The following SRRM4 variants were observed in gnomAD, a reference collection of about 807,000 sequenced individuals.
SRRM4 encodes serine/arginine repetitive matrix protein 4.
A neutral mutation model predicts 68.9 loss-of-function variants in SRRM4; 33 were observed. The observed-to-expected ratio is 0.48, with a 90% CI of 0.36 to 0.64. SRRM4 has a LOEUF of 0.64. Ranked by LOEUF, SRRM4 falls within the 30% of genes least tolerant of loss-of-function variation. The pLI is 0.00. For synonymous variants in SRRM4, 318 were observed against 318.8 expected (o/e 1.00, Z 0.03); for missense variants, 817 against 827.1 (o/e 0.99, Z 0.15).
intron 1 of SRRM4, among the ~76,000 whole-genome samples, chr12:119,095,268 C>T (rs1253629783): frequency 6.6e-6 from 1 of 152,190 alleles, no homozygotes; most frequent in Non-Finnish European, 1.5e-5. Flanking sequence ...AGGTCAGCCC[C>T]ATGATAACTC....
intron 2 of SRRM4, among the ~76,000 whole-genome samples, chr12:119,111,124 A>G (rs1263551524): frequency 6.6e-6 from 1 of 152,152 alleles, no homozygotes; most frequent in Non-Finnish European, 1.5e-5. Flanking sequence ...TGCATACTCA[A>G]CTGATACTTA....
chr12:119,139,917 T>C (rs1954354109), intron 8 of SRRM4, among the ~76,000 whole-genome samples: 1 of 152,200 alleles, frequency 6.6e-6, no homozygotes, highest in South Asian at 2.1e-4. Context: ...ACATAATAGT[T>C]GTATATATTT....
At chr12:119,087,365 G>A (rs756807777) in intron 1 of SRRM4, among the ~76,000 whole-genome samples, 7 of 152,224 alleles carry the variant, frequency 4.6e-5, no homozygotes, top group South Asian at 2.1e-4. Context: ...AAAGAAGCCA[G>A]GAGAAGGAAC....
At chr12:119,033,354 CA>C (rs1228493115) in intron 1 of SRRM4, among the ~76,000 whole-genome samples, 2 of 152,188 alleles carry the variant, frequency 1.3e-5, no homozygotes, top group Admixed American at 6.5e-5. Flanking sequence ...CTACACACCT[CA>C]GAGTACATCT....
At position 118,981,721 on chromosome 12, in the gene SRRM4, C is replaced by T; in HGVS notation, c.-162C>T. On this transcript the variant is annotated 5_prime_UTR_variant, in exon 1 of 13. Transcript: ENST00000267260. ...CTCCTTTCTCTGCTGCCTGCCCGGG[C>T]TGGGGCGTCCCATCCCCCGCCCTGA... is the stretch of plus-strand genomic sequence containing the variant. 1 of 741,374 alleles carries T rather than the reference C, an allele frequency of 1.3e-6. No individual in the cohort carries two copies. Among genetic ancestry groups the T allele is most frequent in the Non-Finnish European group, 2.1e-6 (1 of 467,340 alleles). 45.9% of individuals were successfully genotyped at this position (741,374 alleles called of 1,614,324 possible). A position where few individuals can be genotyped will look rare whatever the true frequency, so the allele number is the denominator to read the frequency against.
At chr12:118,987,264 A>G (rs866803276) in intron 1 of SRRM4, among the ~76,000 whole-genome samples, 18 of 152,304 alleles carry the variant, frequency 1.2e-4, no homozygotes, top group African/African-American at 4.3e-4. Flanking sequence ...TGTGCCTGGT[A>G]CAAACCCAGA....
At chr12:119,060,440 T>C (rs745875854) in intron 1 of SRRM4, among the ~76,000 whole-genome samples, 1 of 149,900 alleles carries the variant, frequency 6.7e-6, no homozygotes, top group Non-Finnish European at 1.5e-5. Flanking sequence ...CATGGATAAC[T>C]ACCTGTGTGT....
intron 10 of SRRM4, among the ~76,000 whole-genome samples, chr12:119,153,004 G>A (rs1053189310): frequency 3.0e-4 from 45 of 152,276 alleles, no homozygotes; most frequent in African/African-American, 1.1e-3. Context: ...TCATCTCTCT[G>A]TGCCTCTGTT....
At chr12:118,987,370 G>A (rs1007006859) in intron 1 of SRRM4, among the ~76,000 whole-genome samples, 3 of 152,130 alleles carry the variant, frequency 2.0e-5, no homozygotes, top group Admixed American at 6.6e-5. Context: ...CCTGGGCTGC[G>A]CTTGTTCAGT....
intron 8 of SRRM4, among the ~76,000 whole-genome samples, chr12:119,143,326 T>G (rs7134341): frequency 0.084 from 12,755 of 152,250 alleles, 1,288 homozygotes; most frequent in African/African-American, 0.24. Flanking sequence ...AGATAAAGTT[T>G]GGGGAAAGAG....
chr12:119,096,196 T>C (rs1352576123), intron 1 of SRRM4, among the ~76,000 whole-genome samples: 2 of 150,050 alleles, frequency 1.3e-5, no homozygotes, highest in East Asian at 4.1e-4. Context: ...AATTTTTTTT[T>C]TTTTTTTTTG....
At chr12:119,071,001 G>A (rs527319106) in intron 1 of SRRM4, among the ~76,000 whole-genome samples, 2 of 152,290 alleles carry the variant, frequency 1.3e-5, no homozygotes, top group East Asian at 1.9e-4. Flanking sequence ...GGATGCTTGG[G>A]TATGACCTCT....
At chr12:119,093,302 A>G (rs1451936414) in intron 1 of SRRM4, among the ~76,000 whole-genome samples, 1 of 152,164 alleles carries the variant, frequency 6.6e-6, no homozygotes, top group Non-Finnish European at 1.5e-5. Flanking sequence ...ATGCTCAATA[A>G]ATATTTGTTG....
chr12:119,118,080 C>T (rs889061361), intron 4 of SRRM4, among the ~76,000 whole-genome samples: 1 of 152,112 alleles, frequency 6.6e-6, no homozygotes, highest in Non-Finnish European at 1.5e-5. Flanking sequence ...CCTATTTTCC[C>T]ACGAGCAACC....
At chr12:119,062,521 A>G (rs935657199) in intron 1 of SRRM4, among the ~76,000 whole-genome samples, 8 of 151,502 alleles carry the variant, frequency 5.3e-5, no homozygotes, top group Non-Finnish European at 1.2e-4. Context: ...GCAGCTGTAC[A>G]AAAAAAAATC....
Position 119,108,646 on chromosome 12 carries a change from G to GTT in SRRM4, c.279-5623_279-5622dup, listed in dbSNP as rs202238669. The stretch of plus-strand genomic sequence containing the variant: ...GAGACTAGGATTGCAACCCCTGTTT[G>GTT]TTTTTTTTTTGTTTTCCATTTGCTT... On this transcript the variant is annotated intron_variant, in intron 2 of 12. Transcript: ENST00000267260. Among the ~76,000 whole-genome samples, 1,138 of 136,222 alleles carry GTT rather than the reference G, an allele frequency of 8.4e-3. 6 individuals are homozygous for GTT. The highest frequency in any genetic ancestry group is 0.029 in the African/African-American group (1,052 of 36,778). The allele number at this position is 136,222 out of a possible 152,430, so 89.4% of individuals were successfully genotyped here.
chr12:119,122,676 T>A (rs2136053220), intron 6 of SRRM4, among the ~76,000 whole-genome samples: 1 of 152,170 alleles, frequency 6.6e-6, no homozygotes, highest in East Asian at 1.9e-4. Flanking sequence ...TGAGCATGAA[T>A]GTGAATGGTA....
chr12:119,050,249 A>G (rs1017801049), intron 1 of SRRM4, among the ~76,000 whole-genome samples: 3 of 152,230 alleles, frequency 2.0e-5, no homozygotes, highest in African/African-American at 7.2e-5. Context: ...TCTAGGCATA[A>G]CATGGTTTTC....
At position 119,156,723 on chromosome 12, in the gene SRRM4, C is replaced by G; in HGVS notation, c.1761C>G (p.Ser587Arg). Residue 587 changes from serine (S) to arginine (R), a missense_variant, in exon 13 of 13, where the codon AGC becomes AGG. Coordinates refer to ENST00000267260, the MANE Select transcript of SRRM4 (RefSeq NM_194286.4). ...PGSRSRSRSR[S>R]RSRSRSRSQS... ...CCCGCAGCCGGAGCCGGAGCAGGAG[C>G]CGGAGCCGGAGCCGGAGCAGGAGCC... The G allele has an allele frequency of 6.5e-7, 1 of 1,545,390 alleles. No individual in the cohort carries two copies. The highest frequency in any genetic ancestry group is 8.7e-7 in the Non-Finnish European group (1 of 1,145,610).
Sources: gnomAD v4.1 joint callset for allele counts (sites outside exome capture counted in the v4.1 genomes callset) on GRCh38, gnomAD v4.1.1 for gene constraint, MANE v1.5 for transcripts, NCBI Gene and HGNC (gene_info 2026-07-23, HGNC 2026-07-21) for gene names.